Variants in SPAG16 observed in about 807,000 individuals in gnomAD.
SPAG16 encodes the protein sperm associated antigen 16, also known as sperm-associated antigen 16 protein.
A neutral mutation model predicts 80.4 loss-of-function variants in SPAG16; 86 were observed. The ratio of observed to expected loss-of-function variants is 1.07; its 90% CI spans 0.90 to 1.28. The LOEUF (loss-of-function observed/expected upper bound fraction) is 1.28. Among genes scored for constraint, SPAG16 ranks in the 50% most tolerant of loss-of-function variants. SPAG16 has a pLI of 0.00. For synonymous variants in SPAG16, 294 were observed against 265.9 expected (o/e 1.11, Z -1.03); for missense variants, 870 against 765.3 (o/e 1.14, Z -1.61).
intron 1 of SPAG16, among the ~76,000 whole-genome samples, chr2:213,292,359 A>G (rs1005489784): frequency 4.6e-5 from 7 of 152,144 alleles, no homozygotes; most frequent in African/African-American, 1.7e-4. Context: ...CGGAAATTTT[A>G]TCTCATTATA....
At chr2:213,895,072 T>C (rs951375555) in intron 11 of SPAG16, among the ~76,000 whole-genome samples, 11 of 147,198 alleles carry the variant, frequency 7.5e-5, no homozygotes, top group African/African-American at 2.8e-4. Context: ...TTCAGTAAAG[T>C]TACAGGCCAC....
chr2:213,646,539 G>C (rs544677676), intron 10 of SPAG16, among the ~76,000 whole-genome samples: 3 of 152,248 alleles, frequency 2.0e-5, no homozygotes, highest in Admixed American at 6.5e-5. Context: ...ATAGTGATTA[G>C]AGAATTACAT....
intron 11 of SPAG16, among the ~76,000 whole-genome samples, chr2:213,927,829 G>A (rs2078554875): frequency 6.6e-6 from 1 of 152,042 alleles, no homozygotes; most frequent in South Asian, 2.1e-4. Context: ...TAAGATTTTG[G>A]TCCATAATAA....
chr2:213,677,907 T>A (rs1335657576), intron 10 of SPAG16, among the ~76,000 whole-genome samples: 1 of 151,906 alleles, frequency 6.6e-6, no homozygotes, highest in African/African-American at 2.4e-5. Flanking sequence ...ACAGAAATTA[T>A]AACAAACTGT....
chr2:214,331,652 C>A (rs1166524809), intron 15 of SPAG16, among the ~76,000 whole-genome samples: 1 of 150,914 alleles, frequency 6.6e-6, no homozygotes. Flanking sequence ...GAGAATGGTA[C>A]CCCGTCCAAG....
At chr2:214,131,633 A>G (rs2054785686) in intron 14 of SPAG16, among the ~76,000 whole-genome samples, 1 of 151,948 alleles carries the variant, frequency 6.6e-6, no homozygotes, top group Non-Finnish European at 1.5e-5. Flanking sequence ...ACTTAAAAAA[A>G]AAATGAACTA....
chr2:213,362,032 C>A (rs2066009942), intron 7 of SPAG16, among the ~76,000 whole-genome samples: 1 of 151,992 alleles, frequency 6.6e-6, no homozygotes, highest in Non-Finnish European at 1.5e-5. Context: ...CCCATCAGTA[C>A]CAGACAAGGG....
intron 13 of SPAG16, among the ~76,000 whole-genome samples, chr2:214,105,965 C>T (rs934627742): frequency 6.6e-6 from 1 of 151,846 alleles, no homozygotes; most frequent in Non-Finnish European, 1.5e-5. Flanking sequence ...CCTTTATAAC[C>T]CCATATTTCC....
Position 213,980,739 on chromosome 2 carries a change from G to T in SPAG16, c.1401-33212G>T, listed in dbSNP as rs1182214976. 1.3e-3 allele frequency among the ~76,000 whole-genome samples: 169 copies of T among 132,306 alleles called. 2 individuals carry two copies. Among genetic ancestry groups the T allele is most frequent in the African/African-American group, 3.6e-3 (120 of 33,668 alleles). The allele number at this position is 132,306 out of a possible 152,430, so 86.8% of individuals were successfully genotyped here. A position where few individuals can be genotyped will look rare whatever the true frequency, so the allele number is the denominator to read the frequency against. On this transcript the variant is annotated intron_variant, in intron 12 of 15. Transcript: ENST00000331683. Reference sequence around the variant, plus strand: ...ATATATATATATAGAGAGAGAGAGAGAGAGAGAGAGAGAGAGAGAGTAAGC... The same window carrying T: ...ATATATATATATAGAGAGAGAGAGATAGAGAGAGAGAGAGAGAGAGTAAGC...
At chr2:213,611,983 G>A (rs772281964) in intron 10 of SPAG16, among the ~76,000 whole-genome samples, 2 of 152,054 alleles carry the variant, frequency 1.3e-5, no homozygotes, top group African/African-American at 4.8e-5. Context: ...ATCAATAGTT[G>A]ATTATAATAA....
At chr2:213,339,043 AGAAG>A (rs2064537579) in intron 5 of SPAG16, among the ~76,000 whole-genome samples, 1 of 151,760 alleles carries the variant, frequency 6.6e-6, no homozygotes, top group Middle Eastern at 3.2e-3. Context: ...AAAAAAGAAA[AGAAG>A]AAAGAAACTT....
At chr2:214,154,396 G>C (rs1369270011) in intron 15 of SPAG16, among the ~76,000 whole-genome samples, 1 of 151,908 alleles carries the variant, frequency 6.6e-6, no homozygotes, top group Non-Finnish European at 1.5e-5. Flanking sequence ...TCATTAAAAT[G>C]AGCAAAGTTT....
intron 10 of SPAG16, among the ~76,000 whole-genome samples, chr2:213,780,118 T>C (rs769211360): frequency 2.6e-5 from 4 of 152,182 alleles, no homozygotes; most frequent in Non-Finnish European, 5.9e-5. Flanking sequence ...CTCAAAGCAA[T>C]GTCTAGATCT....
chr2:213,501,605 G>A (rs1314363255), intron 10 of SPAG16, among the ~76,000 whole-genome samples: 1 of 152,110 alleles, frequency 6.6e-6, no homozygotes, highest in African/African-American at 2.4e-5. Flanking sequence ...CAGAATGATT[G>A]GGAAATAACT....
intron 10 of SPAG16, among the ~76,000 whole-genome samples, chr2:213,603,726 A>T (rs1184977042): frequency 6.6e-6 from 1 of 152,198 alleles, no homozygotes; most frequent in Non-Finnish European, 1.5e-5. Flanking sequence ...GTGCTATCTT[A>T]TGATGTATAG....
At chr2:213,446,023 A>G (rs2125550592) in intron 9 of SPAG16, among the ~76,000 whole-genome samples, 1 of 152,310 alleles carries the variant, frequency 6.6e-6, no homozygotes, top group Admixed American at 6.5e-5. Flanking sequence ...AAATGAAGCC[A>G]ATCAACTAAA....
chr2:213,861,245 C>T (rs982372615), intron 10 of SPAG16, among the ~76,000 whole-genome samples: 1 of 152,048 alleles, frequency 6.6e-6, no homozygotes, highest in African/African-American at 2.4e-5. Context: ...CTGTGTAGGT[C>T]TAATTTAAAA....
intron 11 of SPAG16, among the ~76,000 whole-genome samples, chr2:213,883,672 G>T (rs1299902904): frequency 1.4e-5 from 2 of 142,400 alleles, no homozygotes; most frequent in African/African-American, 5.0e-5. Flanking sequence ...AGAAGAACTT[G>T]TTTTATGAAT....
intron 13 of SPAG16, among the ~76,000 whole-genome samples, chr2:214,090,395 G>A (rs905412554): frequency 1.2e-4 from 18 of 151,868 alleles, no homozygotes; most frequent in Admixed American, 6.6e-4. Flanking sequence ...AACCACTACC[G>A]GAAAATAGAC....
Sources: allele counts gnomAD v4.1 joint callset (sites outside exome capture counted in the v4.1 genomes callset), GRCh38; gene constraint gnomAD v4.1.1; transcripts MANE v1.5; gene names NCBI Gene and HGNC (gene_info 2026-07-23, HGNC 2026-07-21).